Variants in KIF6 observed in about 807,000 individuals in gnomAD.
KIF6 encodes the protein kinesin family member 6.
KIF6 carries 106 observed loss-of-function variants against 112.7 expected under a neutral mutation model. That is an observed-to-expected ratio of 0.94 (90% CI 0.80 to 1.11). KIF6 has a LOEUF of 1.11. Among genes scored for constraint, KIF6 ranks in the 50% least tolerant of loss-of-function variants. The pLI, the probability that KIF6 is intolerant of heterozygous loss-of-function variation, is 0.00. For synonymous variants in KIF6, 339 were observed against 339.9 expected, an observed-to-expected ratio of 1.00 and a Z score of 0.03; for missense variants, 929 against 964.0, an observed-to-expected ratio of 0.96 and a Z score of 0.48.
At chr6:39,449,773 C>T (rs139840977) in intron 13 of KIF6, among the ~76,000 whole-genome samples, 1,612 of 152,304 alleles carry the variant, frequency 0.011, 23 homozygotes, top group Non-Finnish European at 0.012. Context: ...CAGATTGGCA[C>T]ACCTGCCTGC....
At chr6:39,505,559 C>T (rs1238283661) in intron 13 of KIF6, among the ~76,000 whole-genome samples, 1 of 152,148 alleles carries the variant, frequency 6.6e-6, no homozygotes, top group Non-Finnish European at 1.5e-5. Context: ...TCAGAGTAAA[C>T]AGACAACCTA....
chr6:39,639,717 G>C lies in KIF6; in HGVS notation c.292C>G (p.Gln98Glu). ...GYNGTIFAYGQTGSGKTFTIT... is the reference protein window; with the variant it reads ...GYNGTIFAYGETGSGKTFTIT... Reference sequence around the variant, plus strand: ...GTGAATGTCTTCCCGCTGCCTGTTTGCCCATATGCAAAGATGGTACCATTG... The same window carrying C: ...GTGAATGTCTTCCCGCTGCCTGTTTCCCCATATGCAAAGATGGTACCATTG... The change falls in exon 4 of 23, where the codon CAA (glutamine) becomes GAA (glutamate). Residue 98 changes from glutamine to glutamate, a missense_variant. This residue lies in a region of KIF6 where 688 missense variants were observed against 662.7 expected (regional missense o/e 1.04). Transcript: ENST00000287152. 1 of 1,612,152 alleles carries C rather than the reference G, an allele frequency of 6.2e-7. No homozygotes were observed. Among genetic ancestry groups the C allele is most frequent in the South Asian group, 1.1e-5 (1 of 90,856 alleles).
chr6:39,695,693 T>C (rs143975982), intron 3 of KIF6, among the ~76,000 whole-genome samples: 137 of 152,308 alleles, frequency 9.0e-4, no homozygotes, highest in Non-Finnish European at 1.7e-3. Flanking sequence ...TCTACACTGT[T>C]CATGGGAATG....
At chr6:39,512,840 G>A (rs545189467) in intron 13 of KIF6, among the ~76,000 whole-genome samples, 29 of 152,194 alleles carry the variant, frequency 1.9e-4, no homozygotes, top group South Asian at 8.3e-4. Context: ...ATATGAATTC[G>A]AATGCTCCCT....
rs373565988 is a variant in KIF6, at chr6:39,357,065, G to C, written c.2180+212C>G. Among the ~76,000 whole-genome samples, 39 of 152,222 alleles carry C rather than the reference G, an allele frequency of 2.6e-4. 1 individual carries two copies. In the East Asian group the frequency reaches 4.8e-3, roughly 19 times the overall value. On this transcript the variant is annotated intron_variant, in intron 19 of 22. Coordinates refer to ENST00000287152, the MANE Select transcript of KIF6 (RefSeq NM_145027.6). ...TGTTACCATGGCAGTAGGTCTACTG[G>C]CTGTCAGAGTGAGGGACTGAAGGGG...
chr6:39,376,920 C>T (rs746856570), intron 16 of KIF6, among the ~76,000 whole-genome samples: 10 of 152,064 alleles, frequency 6.6e-5, no homozygotes, highest in African/African-American at 2.2e-4. Flanking sequence ...TTTGAGTGGG[C>T]GAGAATCCCA....
intron 13 of KIF6, among the ~76,000 whole-genome samples, chr6:39,444,337 G>A (rs1445494239): frequency 1.3e-5 from 2 of 152,030 alleles, no homozygotes; most frequent in Non-Finnish European, 2.9e-5. Context: ...ATATATTTAA[G>A]GTTTACAATG....
chr6:39,407,122 GT>G (rs199817053), intron 15 of KIF6, among the ~76,000 whole-genome samples: 5 of 148,562 alleles, frequency 3.4e-5, no homozygotes, highest in Admixed American at 6.7e-5. Context: ...AAAGACTCCT[GT>G]TTTTTTTTTG....
At chr6:39,349,806 C>A (rs1281316861) in intron 19 of KIF6, among the ~76,000 whole-genome samples, 1 of 151,794 alleles carries the variant, frequency 6.6e-6, no homozygotes, top group African/African-American at 2.4e-5. Context: ...CCATGGCTGG[C>A]TAATTATTTT....
chr6:39,635,296 G>A (rs565664658), intron 4 of KIF6, among the ~76,000 whole-genome samples: 1 of 151,736 alleles, frequency 6.6e-6, no homozygotes, highest in Non-Finnish European at 1.5e-5. Flanking sequence ...ACCAAAAAAG[G>A]TTACTAAAAA....
Position 39,333,206 on chromosome 6 carries a change from GGA to G in KIF6, c.*3324_*3325del, listed in dbSNP as rs1762802459. 1 of 152,290 alleles carries G rather than the reference GGA, an allele frequency of 6.6e-6. No individual in the cohort carries two copies. Among genetic ancestry groups the G allele is most frequent in the African/African-American group, 2.4e-5 (1 of 41,550 alleles). 9.4% of individuals were successfully genotyped at this position (152,290 alleles called of 1,614,324 possible). On this transcript the variant is annotated 3_prime_UTR_variant, in exon 23 of 23. Coordinates refer to ENST00000287152, the MANE Select transcript of KIF6 (RefSeq NM_145027.6). ...CTCAGTGCCTTTCCACAGGCTGCATGGAGAGACAATGAACTCTGCACTGAGAA... is the reference window on the plus strand; with the variant it reads ...CTCAGTGCCTTTCCACAGGCTGCATGGAGACAATGAACTCTGCACTGAGAA...
intron 17 of KIF6, among the ~76,000 whole-genome samples, chr6:39,361,558 CAAAA>C (rs1242586612): frequency 6.7e-5 from 3 of 44,678 alleles, no homozygotes; most frequent in African/African-American, 2.1e-4. Context: ...GGCTCCATCT[CAAAA>C]AAAAAAAAAA....
At chr6:39,584,812 A>G (rs1781528354) in intron 9 of KIF6, 86 bp downstream of exon 9, 2 of 783,736 alleles carry the variant, frequency 2.6e-6, no homozygotes, top group African/African-American at 3.5e-5. Context: ...GAACATTCCC[A>G]GTACAGAGCA....
At chr6:39,402,747 T>C (rs1768799637) in intron 15 of KIF6, among the ~76,000 whole-genome samples, 1 of 152,192 alleles carries the variant, frequency 6.6e-6, no homozygotes, top group South Asian at 2.1e-4. Context: ...CTGTGTCCTA[T>C]CTTCTCAACC....
intron 7 of KIF6, among the ~76,000 whole-genome samples, chr6:39,590,451 A>ATATATATATATATTTTT (rs1338373703): frequency 1.2e-5 from 1 of 84,778 alleles, no homozygotes; most frequent in African/African-American, 5.1e-5. Context: ...ATATATATAT[A>ATATATATATATATTTTT]TTTTTTTTTT....
intron 13 of KIF6, among the ~76,000 whole-genome samples, chr6:39,483,390 C>A (rs1774924412): frequency 6.6e-6 from 1 of 152,174 alleles, no homozygotes. Context: ...GCTTGTGAAA[C>A]CCTCACCCAG....
At chr6:39,349,560 G>A (rs1263241514) in intron 19 of KIF6, among the ~76,000 whole-genome samples, 1 of 151,922 alleles carries the variant, frequency 6.6e-6, no homozygotes, top group Non-Finnish European at 1.5e-5. Flanking sequence ...CAGAGGGCAG[G>A]GGGAGCAGTG....
intron 13 of KIF6, among the ~76,000 whole-genome samples, chr6:39,457,438 C>G (rs1307318832): frequency 6.9e-6 from 1 of 144,906 alleles, no homozygotes; most frequent in Non-Finnish European, 1.5e-5. Flanking sequence ...AAAATTGACA[C>G]CCTAACATCA....
chr6:39,721,661 C>T (rs958874449), intron 1 of KIF6, among the ~76,000 whole-genome samples: 8 of 152,098 alleles, frequency 5.3e-5, no homozygotes, highest in African/African-American at 1.9e-4. Context: ...TGACCAGCCA[C>T]CACTTTCAGA....
Sources: gnomAD v4.1 joint callset for allele counts (sites outside exome capture counted in the v4.1 genomes callset) on GRCh38, gnomAD v4.1.1 for gene constraint, gnomAD v4.1.1 regional missense constraint, MANE v1.5 for transcripts, NCBI Gene and HGNC (gene_info 2026-07-23, HGNC 2026-07-21) for gene names.